The following ABHD1 variants were observed in gnomAD, a reference collection of about 807,000 sequenced individuals.
ABHD1 encodes abhydrolase domain containing 1, also known as protein ABHD1.
In ABHD1, 47 loss-of-function variants were observed where a neutral mutation model predicts 41.4. The observed-to-expected ratio is 1.13, with a 90% CI of 0.90 to 1.45. The LOEUF is 1.45. ABHD1 is among the 40% of genes most tolerant of loss of function. The probability of loss-of-function intolerance (pLI) is 0.00; values close to 1 mark genes in which losing one functional copy is unlikely to be tolerated. For missense variants in ABHD1, 550 were observed against 503.4 expected (o/e 1.09, Z -0.89); for synonymous variants, 205 against 203.7 (o/e 1.01, Z -0.05).
At chr2:27,130,197 C>A in intron 7 of ABHD1, 44 bp downstream of exon 7, 4 of 1,614,132 alleles carry the variant, frequency 2.5e-6, no homozygotes, top group Non-Finnish European at 3.4e-6. Context: ...AATGAGTCTT[C>A]CACTATCTTC....
Position 27,123,995 on chromosome 2 carries a change from C to G in ABHD1, c.47C>G (p.Thr16Ser). Reference sequence around the variant, plus strand: ...CCCCAGAATGGCACCTGGGCAGACACCTTCTCTCTGCTCTTGGCTCTTGCC... The same window carrying G: ...CCCCAGAATGGCACCTGGGCAGACAGCTTCTCTCTGCTCTTGGCTCTTGCC... ...LSPQNGTWAD[T>S]FSLLLALAVA... The change falls in exon 1 of 9, where the codon ACC becomes AGC. Residue 16 changes from threonine (T) to serine (S), a missense_variant. Thr to Ser is a moderately conservative substitution (Grantham distance 58, BLOSUM62 1). Coordinates refer to ENST00000316470, the MANE Select transcript of ABHD1 (RefSeq NM_032604.4). 1 of 1,614,256 alleles carries G rather than the reference C, an allele frequency of 6.2e-7. No individual in the cohort carries two copies. The highest frequency in any genetic ancestry group is 1.7e-5 in the Admixed American group (1 of 60,034).
At chr2:27,127,888 C>T (rs1344223559) in intron 1 of ABHD1, among the ~76,000 whole-genome samples, 2 of 152,102 alleles carry the variant, frequency 1.3e-5, no homozygotes, top group Non-Finnish European at 2.9e-5. Flanking sequence ...AAAGTAAAGG[C>T]TGAAGATTGA....
At chr2:27,126,268 G>T (rs1177966132) in intron 1 of ABHD1, 1 of 152,188 alleles carries the variant, frequency 6.6e-6, no homozygotes, top group Non-Finnish European at 1.5e-5. Context: ...TGTGTAACTG[G>T]ACAAACCACT....
chr2:27,127,297 G>A (rs772475613), intron 1 of ABHD1, among the ~76,000 whole-genome samples: 1 of 123,126 alleles, frequency 8.1e-6, no homozygotes, highest in Non-Finnish European at 1.6e-5. Flanking sequence ...GCTCACGCCT[G>A]TAATCCCAGC....
intron 1 of ABHD1, chr2:27,124,317 T>C: frequency 1.7e-6 from 1 of 592,022 alleles, no homozygotes; most frequent in South Asian, 1.5e-5. Context: ...AAAGGTGGGG[T>C]GGAAGGCATC....
chr2:27,125,716 A>G (rs971084705), intron 1 of ABHD1: 21 of 152,106 alleles, frequency 1.4e-4, no homozygotes, highest in African/African-American at 5.1e-4. Context: ...CCTGGCCAAC[A>G]TGGTGAAACC....
rs373618849 is a variant in ABHD1, at chr2:27,130,314, G to A, written c.904G>A (p.Val302Ile). 2 of 1,614,114 alleles carry A rather than the reference G, an allele frequency of 1.2e-6. No homozygotes were observed. Among genetic ancestry groups the A allele is most frequent in the Admixed American group, 1.7e-5 (1 of 60,020 alleles). ...TSVAFGYQDCVTYYKAASPRT... is the reference protein window; with the variant it reads ...TSVAFGYQDCITYYKAASPRT... ...TGTGGCCTTTGGATATCAAGACTGT[G>A]TTACCTACTACAAAGCAGCAAGCCC... The change falls in exon 8 of 9, where the codon GTT (valine) becomes ATT (isoleucine). Residue 302 changes from valine (V) to isoleucine (I), a missense_variant. By Grantham distance (29) the Val-to-Ile change is conservative (BLOSUM62 3). Transcript: ENST00000316470.
intron 2 of ABHD1, 32 bp from the exon 3 acceptor site, chr2:27,128,913 G>A (rs767981172): frequency 3.1e-6 from 5 of 1,604,436 alleles, no homozygotes; most frequent in Middle Eastern, 1.7e-4. Context: ...GTTCTTAATA[G>A]TATCTTTGTG....
At chr2:27,128,719 T>C in intron 2 of ABHD1, 118 bp downstream of exon 2, 2 of 1,398,038 alleles carry the variant, frequency 1.4e-6, no homozygotes, top group South Asian at 2.7e-5. Flanking sequence ...GAGGGTTCAA[T>C]GACAATGGAT....
At chr2:27,130,057 G>C (rs376409416) in intron 6 of ABHD1, 48 bp from the exon 7 acceptor site, 4 of 1,612,720 alleles carry the variant, frequency 2.5e-6, no homozygotes, top group African/African-American at 2.7e-5. Flanking sequence ...GCCTGGGGGT[G>C]GGGGATCAGA....
chr2:27,128,656 C>T (rs1672079296), intron 2 of ABHD1, 55 bp downstream of exon 2: 1 of 1,596,276 alleles, frequency 6.3e-7, no homozygotes, highest in Non-Finnish European at 8.6e-7. Context: ...AGGGAAAAAC[C>T]TATCTACCAC....
At chr2:27,127,310 T>C (rs1444504327) in intron 1 of ABHD1, among the ~76,000 whole-genome samples, 1 of 141,418 alleles carries the variant, frequency 7.1e-6, no homozygotes, top group Non-Finnish European at 1.5e-5. Flanking sequence ...ATCCCAGCAC[T>C]TTGGGAGGCC....
At position 27,130,762 on chromosome 2, in the gene ABHD1, G is replaced by A. The variant is rs41288799; in HGVS notation, c.*18G>A. 27 of 1,609,326 alleles carry A rather than the reference G, an allele frequency of 1.7e-5. No individual in the cohort carries two copies. Among genetic ancestry groups the A allele is most frequent in the Non-Finnish European group, 2.2e-5 (26 of 1,175,904 alleles). On this transcript the variant is annotated 3_prime_UTR_variant, in exon 9 of 9. Transcript: ENST00000316470. The stretch of plus-strand genomic sequence containing the variant: ...ACAGCTGACAAGAGTACCATTTGGG[G>A]TCTCAGTTCACTCTTTCCTTGTTTA...
intron 1 of ABHD1, among the ~76,000 whole-genome samples, chr2:27,127,567 A>AAG (rs1553349958): frequency 1.8e-4 from 10 of 55,628 alleles, no homozygotes; most frequent in African/African-American, 3.5e-4. Context: ...AAAAAAAAAA[A>AAG]AAAAGAAAAA....
In ABHD1 at chr2:27,129,796, AG is replaced by A; in HGVS notation, c.663del (p.Leu222TrpfsTer5). The A allele has an allele frequency of 6.2e-7, 1 of 1,614,246 alleles. No individual in the cohort carries two copies. The highest frequency in any genetic ancestry group is 8.5e-7 in the Non-Finnish European group (1 of 1,180,046). ...ACCTGGCACAGGCCAGGCAGGCTGCAGGGCTGGTGGCAGCACTGACTCTGTC... is the reference window on the plus strand; with the variant it reads ...ACCTGGCACAGGCCAGGCAGGCTGCAGGCTGGTGGCAGCACTGACTCTGTC... ...NHLAQARQAA[G>X]LVAALTLSAC... On this transcript the variant is annotated frameshift_variant, in exon 6 of 9. Transcript: ENST00000316470. LOFTEE classifies it high-confidence loss of function.
In ABHD1 at chr2:27,129,561, C is replaced by T. The variant is rs751314000; in HGVS notation, c.552C>T (p.Val184=). The T allele has an allele frequency of 1.4e-5, 22 of 1,614,080 alleles. No homozygotes were observed. Among genetic ancestry groups the T allele is most frequent in the Admixed American group, 5.0e-5 (3 of 60,022 alleles). The change falls in exon 5 of 9, where the codon GTC becomes GTT. Residue 184 remains valine, a synonymous_variant. Transcript: ENST00000316470. The part of the protein sequence containing the change: ...CASNTEDLET[V]VNHIKHRYPQ... ...GCAATACTGAAGATCTAGAGACAGT[C>T]GTGAACCACATAAAGCATCGTTATC...
At chr2:27,124,673 T>A (rs1338020901) in intron 1 of ABHD1, 1 of 185,686 alleles carries the variant, frequency 5.4e-6, no homozygotes, top group East Asian at 1.6e-4. Context: ...ATAATTTACA[T>A]ATCCAGGAAA....
intron 1 of ABHD1, 150 bp from the exon 2 acceptor site, chr2:27,128,291 C>T (rs976797585): frequency 2.2e-6 from 2 of 921,746 alleles, no homozygotes; most frequent in Non-Finnish European, 3.4e-6. Flanking sequence ...GGCCATTCAA[C>T]TGAGCTGTGC....
At position 27,129,607 on chromosome 2, in the gene ABHD1, G is replaced by A. The variant is rs764777826; in HGVS notation, c.598G>A (p.Val200Met). 1.2e-5 allele frequency: 20 copies of A among 1,613,132 alleles called. No homozygotes were observed. Among genetic ancestry groups the A allele is most frequent in the South Asian group, 2.2e-5 (2 of 91,090 alleles). ...HRYPQAPLLAVGISFGGILVL... is the reference protein window; with the variant it reads ...HRYPQAPLLAMGISFGGILVL... The stretch of plus-strand genomic sequence containing the variant: ...TTATCCCCAAGCTCCACTGCTGGCC[G>A]TGGGCATCTCTTTTGGAGGGTAAAG... The change falls in exon 5 of 9, where the codon GTG becomes ATG. Residue 200 changes from valine (V) to methionine (M), a missense_variant. By Grantham distance (21) the Val-to-Met change is conservative. Transcript: ENST00000316470.
Sources: gnomAD v4.1 joint callset for allele counts (sites outside exome capture counted in the v4.1 genomes callset) on GRCh38, gnomAD v4.1.1 for gene constraint, MANE v1.5 for transcripts, NCBI Gene and HGNC (gene_info 2026-07-23, HGNC 2026-07-21) for gene names.